The following PLCL2 variants were observed in gnomAD, a reference collection of about 807,000 sequenced individuals.
PLCL2 encodes phospholipase C like 2.
In PLCL2, 4 loss-of-function variants were observed where a neutral mutation model predicts 79.6. That is an observed-to-expected ratio of 0.05 (90% CI 0.02 to 0.11). The LOEUF (loss-of-function observed/expected upper bound fraction) is 0.11, where lower values mean the gene tolerates loss of function less well. Ranked by LOEUF, PLCL2 falls within the 10% of genes least tolerant of loss-of-function variation. The pLI is 1.00. For synonymous variants in PLCL2, 484 were observed against 457.7 expected (o/e 1.06, Z -0.73); for missense variants, 895 against 1,291.0 (o/e 0.69, Z 4.70).
At chr3:17,087,233 T>C (rs111754111) in intron 5 of PLCL2, among the ~76,000 whole-genome samples, 126 of 152,338 alleles carry the variant, frequency 8.3e-4, no homozygotes, top group Middle Eastern at 6.8e-3. Flanking sequence ...TTATTTTTAA[T>C]TGCCAAAATT....
chr3:16,978,671 C>G (rs2063950307), intron 1 of PLCL2, among the ~76,000 whole-genome samples: 1 of 152,166 alleles, frequency 6.6e-6, no homozygotes, highest in South Asian at 2.1e-4. Context: ...GATGTAAGGA[C>G]ATTCTTACAA....
At chr3:17,051,718 C>T (rs2064840782) in intron 4 of PLCL2, among the ~76,000 whole-genome samples, 1 of 152,196 alleles carries the variant, frequency 6.6e-6, no homozygotes, top group African/African-American at 2.4e-5. Context: ...GAAAGATAAA[C>T]ACCAGCTGCC....
rs114418680 is a variant in PLCL2 at position 17,006,472 on chromosome 3, A to G, written c.328-3202A>G. On this transcript the variant is annotated intron_variant, in intron 1 of 5. Transcript: ENST00000615277. Reference sequence around the variant, plus strand: ...TCTGGTCCACCCATTAAGGAGTGCAAGCTCACATCTGTTCTCTTCCTTATT... The same window carrying G: ...TCTGGTCCACCCATTAAGGAGTGCAGGCTCACATCTGTTCTCTTCCTTATT... Among the ~76,000 whole-genome samples the G allele has an allele frequency of 6.0e-3, 909 of 152,298 alleles. 13 individuals carry two copies. Among genetic ancestry groups the G allele is most frequent in the African/African-American group, 0.021 (870 of 41,548 alleles).
intron 3 of PLCL2, among the ~76,000 whole-genome samples, chr3:17,017,570 A>C (rs2064398665): frequency 6.6e-6 from 1 of 152,168 alleles, no homozygotes; most frequent in African/African-American, 2.4e-5. Flanking sequence ...TTATTTTTGT[A>C]ATGTTATGTT....
At chr3:16,885,684 TTAAC>T (rs1167392205) in intron 1 of PLCL2, among the ~76,000 whole-genome samples, 1 of 152,238 alleles carries the variant, frequency 6.6e-6, no homozygotes, top group Admixed American at 6.5e-5. Flanking sequence ...CCTAGTCTGG[TTAAC>T]AGACTCCCTG....
intron 1 of PLCL2, among the ~76,000 whole-genome samples, chr3:16,982,693 A>G (rs186138071): frequency 6.6e-6 from 1 of 152,264 alleles, no homozygotes; most frequent in Admixed American, 6.5e-5. Flanking sequence ...TTCCTTTTTA[A>G]ACAGCATTGA....
chr3:17,054,478 C>T (rs1471872591), intron 4 of PLCL2, among the ~76,000 whole-genome samples: 1 of 152,092 alleles, frequency 6.6e-6, no homozygotes, highest in East Asian at 1.9e-4. Context: ...AAGCAATGCC[C>T]TGCTTCTCAG....
intron 1 of PLCL2, among the ~76,000 whole-genome samples, chr3:16,908,654 G>C (rs2124926377): frequency 6.6e-6 from 1 of 152,280 alleles, no homozygotes; most frequent in African/African-American, 2.4e-5. Flanking sequence ...CATAAGCCGG[G>C]ACCCGTGAAT....
intron 1 of PLCL2, among the ~76,000 whole-genome samples, chr3:16,925,063 A>G (rs146418900): frequency 0.032 from 4,807 of 151,938 alleles, 115 homozygotes; most frequent in South Asian, 0.058. Context: ...AGCTGGGACT[A>G]CAGGTGCCTG....
chr3:17,049,093 G>A (rs113543774), intron 4 of PLCL2, among the ~76,000 whole-genome samples: 3 of 147,186 alleles, frequency 2.0e-5, no homozygotes, highest in Non-Finnish European at 4.6e-5. Flanking sequence ...TGCACTTCTT[G>A]TGCAAAGTTT....
intron 1 of PLCL2, among the ~76,000 whole-genome samples, chr3:16,987,643 C>T (rs1460472370): frequency 6.6e-6 from 1 of 152,056 alleles, no homozygotes; most frequent in Non-Finnish European, 1.5e-5. Context: ...CAAAATATGC[C>T]AGTAAGTTTT....
At chr3:17,021,943 G>A (rs780088791) in intron 3 of PLCL2, among the ~76,000 whole-genome samples, 4 of 152,184 alleles carry the variant, frequency 2.6e-5, no homozygotes, top group Non-Finnish European at 5.9e-5. Flanking sequence ...ATTGGTGAAT[G>A]AGAAATGGGA....
chr3:17,014,207 C>G (rs2064358626), intron 2 of PLCL2, among the ~76,000 whole-genome samples: 1 of 152,214 alleles, frequency 6.6e-6, no homozygotes, highest in South Asian at 2.1e-4. Context: ...CAGTAGCATC[C>G]TCAAAGGTTC....
chr3:16,951,392 T>TTC (rs926295247), intron 1 of PLCL2, among the ~76,000 whole-genome samples: 3 of 152,088 alleles, frequency 2.0e-5, no homozygotes, highest in Non-Finnish European at 4.4e-5. Context: ...AAAGTAATAA[T>TTC]TCTATCCTTT....
rs1015783175 is a variant in PLCL2, at chr3:16,886,868, G to T, written c.327+1502G>T. On this transcript the variant is annotated intron_variant, in intron 1 of 5. Coordinates refer to ENST00000615277, the MANE Select transcript of PLCL2 (RefSeq NM_001144382.2). This position sits in a 1 kb window ranked among gnomAD's most constrained non-coding sequence, Gnocchi z 4.2. ...ATTTGTGGTGATTTTGCATTGTGGTGTTAATAAAATTTGAGGTGAAAATTC... is the reference window on the plus strand; with the variant it reads ...ATTTGTGGTGATTTTGCATTGTGGTTTTAATAAAATTTGAGGTGAAAATTC... 1.3e-5 allele frequency among the ~76,000 whole-genome samples: 2 copies of T among 152,164 alleles called. No individual in the cohort carries two copies. The highest frequency in any genetic ancestry group is 3.2e-3 in the Middle Eastern group (1 of 316).
At chr3:16,945,435 T>G (rs2063592313) in intron 1 of PLCL2, among the ~76,000 whole-genome samples, 1 of 152,184 alleles carries the variant, frequency 6.6e-6, no homozygotes, top group Non-Finnish European at 1.5e-5. Context: ...TCCTTGTATA[T>G]CCACAGCACC....
intron 1 of PLCL2, among the ~76,000 whole-genome samples, chr3:16,903,841 T>C (rs1035490656): frequency 6.6e-6 from 1 of 152,230 alleles, no homozygotes; most frequent in African/African-American, 2.4e-5. Context: ...ACACTCAAGG[T>C]TGCTGACATT....
At chr3:16,915,316 GC>G (rs1696968441) in intron 1 of PLCL2, among the ~76,000 whole-genome samples, 2 of 152,056 alleles carry the variant, frequency 1.3e-5, no homozygotes, top group East Asian at 3.8e-4. Flanking sequence ...TATTTACCTT[GC>G]AGTCTTTTTT....
intron 3 of PLCL2, among the ~76,000 whole-genome samples, chr3:17,036,132 G>C (rs1007164807): frequency 6.6e-6 from 1 of 152,224 alleles, no homozygotes; most frequent in African/African-American, 2.4e-5. Flanking sequence ...TGATATGGCA[G>C]ACCTCGGCCC....
Sources: allele counts gnomAD v4.1 joint callset (sites outside exome capture counted in the v4.1 genomes callset), GRCh38; gene constraint gnomAD v4.1.1; non-coding constraint Gnocchi (gnomAD v3.1); transcripts MANE v1.5; gene names NCBI Gene and HGNC (gene_info 2026-07-23, HGNC 2026-07-21).